Variants in IQGAP2 observed in about 807,000 individuals in gnomAD.
IQGAP2 encodes the protein IQ motif containing GTPase activating protein 2.
Under a neutral mutation model 201.3 loss-of-function variants are expected in IQGAP2, and 173 were observed. The ratio of observed to expected loss-of-function variants is 0.86; its 90% CI spans 0.76 to 0.98. The LOEUF is 0.98. Among genes scored for constraint, IQGAP2 ranks in the 50% least tolerant of loss-of-function variants. The pLI is 0.00. For synonymous variants in IQGAP2, 675 were observed against 673.9 expected (o/e 1.00, Z -0.03); for missense variants, 1,687 against 1,864.8 (o/e 0.90, Z 1.76).
chr5:76,527,654 T>C (rs886910826), intron 2 of IQGAP2, among the ~76,000 whole-genome samples: 3 of 152,240 alleles, frequency 2.0e-5, no homozygotes, highest in Admixed American at 6.5e-5. Context: ...ATCAGGACTT[T>C]ACAAGGTTCC....
At chr5:76,450,777 T>G (rs1279241142) in intron 1 of IQGAP2, among the ~76,000 whole-genome samples, 1 of 152,180 alleles carries the variant, frequency 6.6e-6, no homozygotes, top group Admixed American at 6.5e-5. Flanking sequence ...CAGAGAAACT[T>G]CTTGCTAATG....
chr5:76,513,995 A>G (rs1276461737), intron 2 of IQGAP2, among the ~76,000 whole-genome samples: 1 of 149,606 alleles, frequency 6.7e-6, no homozygotes, highest in Non-Finnish European at 1.5e-5. Flanking sequence ...AAACTGCTCA[A>G]AAGTCTATTT....
intron 17 of IQGAP2, among the ~76,000 whole-genome samples, chr5:76,644,506 G>A (rs889936882): frequency 1.3e-5 from 2 of 151,784 alleles, no homozygotes; most frequent in East Asian, 3.9e-4. Flanking sequence ...CACCATGTTG[G>A]CCAGGCTGGT....
At chr5:76,563,330 A>G (rs1744512690) in intron 3 of IQGAP2, among the ~76,000 whole-genome samples, 1 of 152,224 alleles carries the variant, frequency 6.6e-6, no homozygotes, top group South Asian at 2.1e-4. Flanking sequence ...TAAAATAAAC[A>G]TCAATTTTAT....
intron 11 of IQGAP2, among the ~76,000 whole-genome samples, chr5:76,602,072 C>T (rs10077289): frequency 0.47 from 70,803 of 152,050 alleles, 17,852 homozygotes; most frequent in African/African-American, 0.64. Flanking sequence ...CGGGCACCCT[C>T]GTGCTCTAAA....
chr5:76,594,663 C>T (rs1746888675), intron 9 of IQGAP2, among the ~76,000 whole-genome samples: 1 of 152,126 alleles, frequency 6.6e-6, no homozygotes, highest in Non-Finnish European at 1.5e-5. Flanking sequence ...GACAATTGTA[C>T]ACTTTAAAAT....
intron 3 of IQGAP2, among the ~76,000 whole-genome samples, chr5:76,568,220 TCATTTC>T (rs1189508012): frequency 6.6e-6 from 1 of 152,246 alleles, no homozygotes; most frequent in Non-Finnish European, 1.5e-5. Flanking sequence ...TTGAAATCTG[TCATTTC>T]ATTTGTTGCA....
chr5:76,643,598 C>T (rs572921945), intron 17 of IQGAP2, among the ~76,000 whole-genome samples: 5 of 152,016 alleles, frequency 3.3e-5, no homozygotes, highest in African/African-American at 1.2e-4. Context: ...CACAGGAAAA[C>T]ATCAGAAAAA....
intron 3 of IQGAP2, among the ~76,000 whole-genome samples, chr5:76,563,006 T>C (rs1744490533): frequency 6.6e-6 from 1 of 152,246 alleles, no homozygotes; most frequent in African/African-American, 2.4e-5. Context: ...CAACTAGTTT[T>C]AAGAATTGTT....
In IQGAP2 at chr5:76,707,277, CAT is replaced by C. The variant is rs757794396; in HGVS notation, c.4696_4697del (p.Tyr1566ProfsTer27). On this transcript the variant is annotated frameshift_variant, in exon 36 of 36. Transcript: ENST00000274364. LOFTEE classifies it high-confidence loss of function. Reference protein sequence around the residue: ...DKVKVNVNLLIYLLNKKFYGK With the variant: ...DKVKVNVNLLXYLLNKKFYGK ...AGGTTAAAGTGAATGTAAACCTTCT[CAT>C]ATACCTGCTGAACAAGAAGTTCTAT... The C allele has an allele frequency of 2.5e-6, 4 of 1,571,678 alleles. No homozygotes were observed. In the South Asian group the frequency reaches 4.4e-5, roughly 17 times the overall value.
rs141246970 is a variant in IQGAP2 at position 76,529,359 on chromosome 5, G to C, written c.147-33037G>C. On this transcript the variant is annotated intron_variant, in intron 2 of 35. Coordinates refer to ENST00000274364, the MANE Select transcript of IQGAP2 (RefSeq NM_006633.5). ...TGGTTATTTTTGAGGGCTGGGCGCA[G>C]TGGCTCATGCCTGTAATCCCAGCAC... Among the ~76,000 whole-genome samples, 445 of 152,296 alleles carry C rather than the reference G, an allele frequency of 2.9e-3. 2 individuals carry two copies. The highest frequency in any genetic ancestry group is 0.01 in the African/African-American group (423 of 41,554).
Position 76,590,476 on chromosome 5 carries a change from C to CT in IQGAP2, c.710dup (p.Arg238LysfsTer12), listed in dbSNP as rs754911966. The stretch of plus-strand genomic sequence containing the variant: ...AATAGCAGAGCAAACCGTTGTAACA[C>CT]TAAGAAACCCAAATGCGGTTTTAAC... On this transcript the variant is annotated frameshift_variant, in exon 8 of 36. Coordinates refer to ENST00000274364, the MANE Select transcript of IQGAP2 (RefSeq NM_006633.5). LOFTEE classifies it high-confidence loss of function. 79 of 1,613,724 alleles carry CT rather than the reference C, an allele frequency of 4.9e-5. No homozygotes were observed. Among genetic ancestry groups the CT allele is most frequent in the African/African-American group, 1.3e-5 (1 of 74,918 alleles).
chr5:76,407,001 C>T (rs1382522197), intron 1 of IQGAP2, among the ~76,000 whole-genome samples: 2 of 151,870 alleles, frequency 1.3e-5, no homozygotes, highest in East Asian at 1.9e-4. Context: ...TTTTTTTAGG[C>T]AGTATCTTGC....
intron 2 of IQGAP2, among the ~76,000 whole-genome samples, chr5:76,502,841 T>G (rs1209718705): frequency 6.6e-6 from 1 of 151,992 alleles, no homozygotes; most frequent in Admixed American, 6.6e-5. Flanking sequence ...GCTCAAGTGA[T>G]CCTCCCACCT....
chr5:76,678,943 A>G (rs1745059809), intron 28 of IQGAP2, among the ~76,000 whole-genome samples: 1 of 152,228 alleles, frequency 6.6e-6, no homozygotes, highest in Non-Finnish European at 1.5e-5. Context: ...CTCTCAATAC[A>G]TACTGATTAA....
At chr5:76,404,293 C>A in intron 1 of IQGAP2, 1 of 184,526 alleles carries the variant, frequency 5.4e-6, no homozygotes, top group Non-Finnish European at 1.0e-5. Flanking sequence ...GTCGATTACC[C>A]AGCCAGGGGC....
intron 1 of IQGAP2, among the ~76,000 whole-genome samples, chr5:76,419,205 T>C (rs1277833711): frequency 2.0e-5 from 3 of 152,150 alleles, no homozygotes; most frequent in African/African-American, 4.8e-5. Flanking sequence ...TGGCATGATA[T>C]TGGCTCACTT....
intron 2 of IQGAP2, among the ~76,000 whole-genome samples, chr5:76,552,662 A>G (rs1037582317): frequency 6.6e-6 from 1 of 152,198 alleles, no homozygotes; most frequent in Non-Finnish European, 1.5e-5. Context: ...TTCAGTGTCT[A>G]ATAACATGTT....
rs190124573 is a variant in IQGAP2, at chr5:76,484,598, T to C, written c.146+22929T>C. Reference sequence around the variant, plus strand: ...TTTTTTTTTCTTTAGAAACGGGGTCTTTATGTAACAAACCTGCACGTTGTG... The same window carrying C: ...TTTTTTTTTCTTTAGAAACGGGGTCCTTATGTAACAAACCTGCACGTTGTG... On this transcript the variant is annotated intron_variant, in intron 2 of 35. Transcript: ENST00000274364. Among the ~76,000 whole-genome samples, 21 of 152,342 alleles carry C rather than the reference T, an allele frequency of 1.4e-4. No individual in the cohort carries two copies. In the East Asian group the frequency reaches 3.7e-3, roughly 27 times the overall value.
Sources: gnomAD v4.1 joint callset for allele counts (sites outside exome capture counted in the v4.1 genomes callset) on GRCh38, gnomAD v4.1.1 for gene constraint, MANE v1.5 for transcripts, NCBI Gene and HGNC (gene_info 2026-07-23, HGNC 2026-07-21) for gene names.